SH2B3: variants seen among roughly 807,000 people sequenced by gnomAD.
SH2B3 encodes SH2B adaptor protein 3.
Under a neutral mutation model 51.9 loss-of-function variants are expected in SH2B3, and 43 were observed. That is an observed-to-expected ratio of 0.83 (90% confidence interval 0.65 to 1.07). The LOEUF (loss-of-function observed/expected upper bound fraction) is 1.07, where lower values mean the gene tolerates loss of function less well. SH2B3 is among the 50% of genes least tolerant of loss of function. SH2B3 has a pLI of 0.00. For missense variants in SH2B3, 952 were observed against 834.3 expected, an observed-to-expected ratio of 1.14 and a Z score of -1.74; for synonymous variants, 396 against 376.0, an observed-to-expected ratio of 1.05 and a Z score of -0.62.
chr12:111,432,685 C>T (rs927692159), intron 2 of SH2B3, among the ~76,000 whole-genome samples: 2 of 152,200 alleles, frequency 1.3e-5, no homozygotes, highest in African/African-American at 4.8e-5. Context: ...CCCTCCCCAG[C>T]CCCTGGCAAC....
intron 1 of SH2B3, among the ~76,000 whole-genome samples, chr12:111,415,592 ATTTTTG>A (rs1026114587): frequency 2.7e-4 from 35 of 127,410 alleles, no homozygotes; most frequent in African/African-American, 1.0e-3. Flanking sequence ...TTTTATATTT[ATTTTTG>A]TTTTTGTTTT....
At chr12:111,422,171 C>T (rs1871613402) in intron 2 of SH2B3, among the ~76,000 whole-genome samples, 1 of 152,166 alleles carries the variant, frequency 6.6e-6, no homozygotes, top group African/African-American at 2.4e-5. Context: ...CCTCCGTCTC[C>T]TGGGTTCAAG....
At chr12:111,446,896 C>A in intron 3 of SH2B3, 42 bp downstream of exon 3, 1 of 1,601,460 alleles carries the variant, frequency 6.2e-7, no homozygotes, top group Non-Finnish European at 8.6e-7. Flanking sequence ...AATACAAATA[C>A]ATACACATAC....
intron 2 of SH2B3, among the ~76,000 whole-genome samples, chr12:111,433,628 AG>A (rs1872648650): frequency 1.3e-5 from 2 of 152,230 alleles, no homozygotes; most frequent in African/African-American, 4.8e-5. Context: ...TGGAGTGCAG[AG>A]GCAGCTCACT....
In SH2B3 at chr12:111,451,061, C is replaced by T. The variant is rs573783465; in HGVS notation, c.*2759C>T. On this transcript the variant is annotated 3_prime_UTR_variant, in exon 8 of 8. Transcript: ENST00000341259. The stretch of plus-strand genomic sequence containing the variant: ...CTCCCGGCACCATCCCTTCCTTCAT[C>T]TGACTTATTGAACTTTTACAAACTA... 6.5e-6 allele frequency: 1 copy of T among 152,854 alleles called. No homozygotes were observed. The highest frequency in any genetic ancestry group is 2.1e-4 in the South Asian group (1 of 4,832). 9.5% of individuals were successfully genotyped at this position (152,854 alleles called of 1,614,324 possible). A position where few individuals can be genotyped will look rare whatever the true frequency, so the allele number is the denominator to read the frequency against.
At chr12:111,417,925 C>A (rs1459297175) in intron 1 of SH2B3, among the ~76,000 whole-genome samples, 194 bp from the exon 2 acceptor site, 1 of 152,194 alleles carries the variant, frequency 6.6e-6, no homozygotes. Context: ...AGTCTAGAAT[C>A]AATTCTGCCA....
intron 2 of SH2B3, among the ~76,000 whole-genome samples, chr12:111,437,906 C>T (rs2135586973): frequency 6.6e-6 from 1 of 152,318 alleles, no homozygotes; most frequent in East Asian, 1.9e-4. Context: ...CTGGGCCTGC[C>T]CCAGGGCTGG....
chr12:111,414,255 G>T (rs982239900), intron 1 of SH2B3, among the ~76,000 whole-genome samples: 1 of 152,200 alleles, frequency 6.6e-6, no homozygotes, highest in Admixed American at 6.5e-5. Flanking sequence ...TGTGTGCAAA[G>T]TACCTACTGT....
chr12:111,418,612 C>T lies in SH2B3; in HGVS notation c.467C>T (p.Ala156Val). Reference sequence around the variant, plus strand: ...CGCCGCTCGGCCGGGGAGCTGCCAGCGGCCCACACCGCTGCCGCCCCCGGG... The same window carrying T: ...CGCCGCTCGGCCGGGGAGCTGCCAGTGGCCCACACCGCTGCCGCCCCCGGG... The part of the protein sequence containing the change: ...FRRRSAGELP[A>V]AHTAAAPGTP... Residue 156 changes from alanine to valine, a missense_variant, in exon 2 of 8, where the codon GCG becomes GTG. Transcript: ENST00000341259. The surrounding 1 kb of genome is among the most constrained non-coding windows in gnomAD (Gnocchi z 6.7). The T allele has an allele frequency of 3.4e-6, 5 of 1,479,478 alleles. No homozygotes were observed. The highest frequency in any genetic ancestry group is 2.9e-5 in the East Asian group (1 of 34,416). 91.6% of individuals were successfully genotyped at this position (1,479,478 alleles called of 1,614,324 possible). A position where few individuals can be genotyped will look rare whatever the true frequency, so the allele number is the denominator to read the frequency against.
intron 2 of SH2B3, among the ~76,000 whole-genome samples, chr12:111,432,508 T>C (rs921495042): frequency 6.6e-6 from 1 of 152,248 alleles, no homozygotes; most frequent in East Asian, 1.9e-4. Context: ...CAAAGCTTTA[T>C]TGAGATATAA....
At chr12:111,430,083 G>C (rs181404475) in intron 2 of SH2B3, among the ~76,000 whole-genome samples, 197 of 152,288 alleles carry the variant, frequency 1.3e-3, no homozygotes, top group Non-Finnish European at 2.3e-3. Context: ...AGGAACGGAG[G>C]TCCCATCCTC....
chr12:111,439,771 G>T (rs1473984931), intron 2 of SH2B3, among the ~76,000 whole-genome samples: 1 of 152,194 alleles, frequency 6.6e-6, no homozygotes, highest in African/African-American at 2.4e-5. Flanking sequence ...ACAGACTTGG[G>T]CGTAGTCTGA....
Position 111,447,677 on chromosome 12 carries a change from G to T in SH2B3, c.1258G>T (p.Glu420Ter). The change falls in exon 7 of 8, where the codon GAG becomes TAG. Residue 420 changes from glutamate to a stop codon, truncating the protein, a stop_gained. Transcript: ENST00000341259. LOFTEE classifies it high-confidence loss of function. ...IAKHLRLSLT[E>*]RGQCRVQHLH... ...ACAGCACCTGCGCCTGTCGCTGACAGAGCGGGGCCAGTGCCGTGTGCAGCA... is the reference window on the plus strand; with the variant it reads ...ACAGCACCTGCGCCTGTCGCTGACATAGCGGGGCCAGTGCCGTGTGCAGCA... 6.2e-7 allele frequency: 1 copy of T among 1,613,162 alleles called. No homozygotes were observed. The highest frequency in any genetic ancestry group is 8.5e-7 in the Non-Finnish European group (1 of 1,179,478).
intron 1 of SH2B3, among the ~76,000 whole-genome samples, chr12:111,417,889 T>C (rs1190239739): frequency 1.1e-4 from 17 of 152,200 alleles, no homozygotes; most frequent in Admixed American, 1.1e-3. Flanking sequence ...TCATATGGTT[T>C]TTGTACTTCA....
At chr12:111,432,271 C>T (rs1370475744) in intron 2 of SH2B3, among the ~76,000 whole-genome samples, 2 of 152,072 alleles carry the variant, frequency 1.3e-5, no homozygotes, top group Admixed American at 6.5e-5. Flanking sequence ...AGGCTGGTCT[C>T]GAACTCCTGA....
At position 111,418,949 on chromosome 12, in the gene SH2B3, C is replaced by A; in HGVS notation, c.732+72C>A. 1 of 1,306,776 alleles carries A rather than the reference C, an allele frequency of 7.7e-7. No homozygotes were observed. Among genetic ancestry groups the A allele is most frequent in the Non-Finnish European group, 9.8e-7 (1 of 1,021,464 alleles). 80.9% of individuals were successfully genotyped at this position (1,306,776 alleles called of 1,614,324 possible). ...GCCTTCACCCTGGGGAGAGCGCGGG[C>A]TGGGGAGGTGTGATGGCTTTCCAGC... On this transcript the variant is annotated intron_variant, in intron 2 of 7. Transcript: ENST00000341259. This position sits in a 1 kb window ranked among gnomAD's most constrained non-coding sequence, Gnocchi z 6.7.
rs1174249790 is a variant in SH2B3, at chr12:111,418,188, C to T, written c.43C>T (p.Pro15Ser). ...ALQPSSPSSA[P>S]SASPAAAPRG... ...GCAGCCCTCCTCGCCCTCTTCCGCG[C>T]CCTCAGCCTCCCCGGCGGCGGCCCC... Residue 15 changes from proline (P) to serine (S), a missense_variant, in exon 2 of 8, where the codon CCC becomes TCC. By Grantham distance (74) the Pro-to-Ser change is moderately conservative (BLOSUM62 -1). Coordinates refer to ENST00000341259, the MANE Select transcript of SH2B3 (RefSeq NM_005475.3). This position sits in a 1 kb window ranked among gnomAD's most constrained non-coding sequence, Gnocchi z 6.7. 4 of 1,569,038 alleles carry T rather than the reference C, an allele frequency of 2.5e-6. No individual in the cohort carries two copies. The highest frequency in any genetic ancestry group is 3.4e-6 in the Non-Finnish European group (4 of 1,169,016).
Position 111,418,851 on chromosome 12 carries a change from G to A in SH2B3, c.706G>A (p.Val236Met), listed in dbSNP as rs1014425313. ...CCCGGGCCCCGATGGCCCCGACCGC[G>A]TGCTGGAGCTCTTCGACCCACCCAA... is the stretch of plus-strand genomic sequence containing the variant. ...RAPGPDGPDR[V>M]LELFDPPKSS... The change falls in exon 2 of 8, where the codon GTG (valine) becomes ATG (methionine). Residue 236 changes from valine (V) to methionine (M), a missense_variant. Val to Met is a conservative substitution (Grantham distance 21). Coordinates refer to ENST00000341259, the MANE Select transcript of SH2B3 (RefSeq NM_005475.3). This position sits in a 1 kb window ranked among gnomAD's most constrained non-coding sequence, Gnocchi z 6.7. The A allele has an allele frequency of 2.8e-6, 4 of 1,416,464 alleles. No homozygotes were observed. The Admixed American group carries it at 1.4e-4, about 49-fold the overall frequency. 87.7% of individuals were successfully genotyped at this position (1,416,464 alleles called of 1,614,324 possible). A position where few individuals can be genotyped will look rare whatever the true frequency, so the allele number is the denominator to read the frequency against.
rs1873391662 is a variant in SH2B3, at chr12:111,441,355, T to C, written c.733-5398T>C. On this transcript the variant is annotated intron_variant, in intron 2 of 7. Transcript: ENST00000341259. ...GCCTGGGCCACAGAGCAAGACCCTA[T>C]CTCTTAAAAAAAAAAAAAAAAAATT... is the stretch of plus-strand genomic sequence containing the variant. Among the ~76,000 whole-genome samples, 8 of 139,148 alleles carry C rather than the reference T, an allele frequency of 5.7e-5. 1 individual carries two copies. The highest frequency in any genetic ancestry group is 3.5e-3 in the Middle Eastern group (1 of 284). 91.3% of individuals were successfully genotyped at this position (139,148 alleles called of 152,430 possible).
Sources: allele counts gnomAD v4.1 joint callset (sites outside exome capture counted in the v4.1 genomes callset), GRCh38; gene constraint gnomAD v4.1.1; non-coding constraint Gnocchi (gnomAD v3.1); transcripts MANE v1.5; gene names NCBI Gene and HGNC (gene_info 2026-07-23, HGNC 2026-07-21).